ADAMTSL1: variants seen among roughly 807,000 people sequenced by gnomAD.
ADAMTSL1 encodes ADAMTS like 1, also known as ADAMTS-like protein 1.
Under a neutral mutation model 201.8 loss-of-function variants are expected in ADAMTSL1, and 126 were observed. That is an observed-to-expected ratio of 0.62 (90% CI 0.54 to 0.72). The LOEUF is 0.72. ADAMTSL1 is among the 30% of genes least tolerant of loss of function. The pLI, the probability that ADAMTSL1 is intolerant of heterozygous loss-of-function variation, is 0.00. For missense variants in ADAMTSL1, 2,679 were observed against 2,277.8 expected (o/e 1.18, Z -3.59); for synonymous variants, 1,121 against 903.4 (o/e 1.24, Z -4.32).
intron 4 of ADAMTSL1, among the ~76,000 whole-genome samples, chr9:18,591,734 C>G (rs1197363638): frequency 6.6e-6 from 1 of 152,104 alleles, no homozygotes; most frequent in Non-Finnish European, 1.5e-5. Flanking sequence ...GAATAGGAGC[C>G]ATTACAATCA....
intron 1 of ADAMTSL1, among the ~76,000 whole-genome samples, chr9:17,972,277 AG>A (rs1312672471): frequency 7.6e-6 from 1 of 131,114 alleles, no homozygotes; most frequent in East Asian, 2.5e-4. Context: ...CTCGTCATTT[AG>A]CATTAAGTAT....
intron 1 of ADAMTSL1, among the ~76,000 whole-genome samples, chr9:18,498,220 G>C (rs1297573834): frequency 6.6e-6 from 1 of 151,836 alleles, no homozygotes; most frequent in Non-Finnish European, 1.5e-5. Flanking sequence ...CATGGGGGTG[G>C]GGGCAGGGAG....
At chr9:18,357,781 A>C (rs1418532412) in intron 2 of ADAMTSL1, among the ~76,000 whole-genome samples, 1 of 152,020 alleles carries the variant, frequency 6.6e-6, no homozygotes, top group Non-Finnish European at 1.5e-5. Context: ...AAACATGAAA[A>C]TGAAGACCTG....
chr9:18,537,858 A>G (rs1456850643), intron 3 of ADAMTSL1, among the ~76,000 whole-genome samples: 1 of 149,586 alleles, frequency 6.7e-6, no homozygotes, highest in Admixed American at 6.6e-5. Flanking sequence ...TGGAAGACAG[A>G]GCAAGACCTT....
chr9:18,741,915 C>T (rs796123923), intron 15 of ADAMTSL1, among the ~76,000 whole-genome samples: 24 of 152,316 alleles, frequency 1.6e-4, no homozygotes, highest in African/African-American at 5.8e-4. Flanking sequence ...GTGTTGCCCT[C>T]ACCATCTCAA....
At chr9:18,669,792 C>T (rs1230568233) in intron 9 of ADAMTSL1, among the ~76,000 whole-genome samples, 1 of 152,092 alleles carries the variant, frequency 6.6e-6, no homozygotes, top group Non-Finnish European at 1.5e-5. Context: ...TTCCAGGCAC[C>T]TACTCTTACT....
At chr9:18,708,305 G>C (rs993564421) in intron 14 of ADAMTSL1, among the ~76,000 whole-genome samples, 49 of 152,332 alleles carry the variant, frequency 3.2e-4, no homozygotes, top group African/African-American at 1.1e-3. Flanking sequence ...CTTTTAGTAA[G>C]CATTTAATAG....
At position 18,717,879 on chromosome 9, in the gene ADAMTSL1, A is replaced by T. The variant is rs1564177581; in HGVS notation, c.1877-3657A>T. On this transcript the variant is annotated intron_variant, in intron 14 of 28. Transcript: ENST00000380548. ...ACCACCACAGGAAAGTCCATTTAAG[A>T]TGCTGGTAGGTTTAACAAAGTTGGA... 3.5e-6 allele frequency: 3 copies of T among 848,540 alleles called. No individual in the cohort carries two copies. The South Asian group carries it at 4.1e-5, about 12-fold the overall frequency. The allele number at this position is 848,540 out of a possible 1,614,324, so 52.6% of individuals were successfully genotyped here.
intron 2 of ADAMTSL1, among the ~76,000 whole-genome samples, chr9:18,208,388 T>A (rs1829740052): frequency 6.6e-6 from 1 of 152,146 alleles, no homozygotes; most frequent in Non-Finnish European, 1.5e-5. Context: ...TGGGCATTGA[T>A]GCTGGGAAAT....
At chr9:17,945,644 T>C (rs565607966) in intron 1 of ADAMTSL1, among the ~76,000 whole-genome samples, 2 of 152,234 alleles carry the variant, frequency 1.3e-5, no homozygotes, top group East Asian at 3.9e-4. Flanking sequence ...CCATGAAAAA[T>C]GATGAATTCA....
chr9:18,241,286 T>C (rs1432458073), intron 2 of ADAMTSL1, among the ~76,000 whole-genome samples: 1 of 152,178 alleles, frequency 6.6e-6, no homozygotes, highest in Non-Finnish European at 1.5e-5. Flanking sequence ...GGGTCATTAA[T>C]TGGCCTAATT....
At chr9:18,383,653 TA>T (rs1837658985) in intron 2 of ADAMTSL1, among the ~76,000 whole-genome samples, 1 of 152,198 alleles carries the variant, frequency 6.6e-6, no homozygotes, top group African/African-American at 2.4e-5. Context: ...GGACTAAGGT[TA>T]GATCCTGAAT....
chr9:18,081,493 C>G (rs748798405), intron 1 of ADAMTSL1, among the ~76,000 whole-genome samples: 2 of 152,086 alleles, frequency 1.3e-5, no homozygotes, highest in Non-Finnish European at 2.9e-5. Flanking sequence ...TCCTATTAAA[C>G]ATTTAACAAG....
intron 1 of ADAMTSL1, among the ~76,000 whole-genome samples, chr9:18,013,635 T>C (rs1041044885): frequency 2.6e-5 from 4 of 152,188 alleles, no homozygotes; most frequent in Admixed American, 2.6e-4. Flanking sequence ...AGAATAGTTG[T>C]GTCCTTATTC....
chr9:18,667,377 T>G (rs775436822), intron 9 of ADAMTSL1, among the ~76,000 whole-genome samples: 2 of 152,046 alleles, frequency 1.3e-5, no homozygotes, highest in Non-Finnish European at 2.9e-5. Context: ...AAATACTGAT[T>G]CTCACACCAA....
chr9:18,294,057 G>A (rs1398127410), intron 2 of ADAMTSL1, among the ~76,000 whole-genome samples: 2 of 152,192 alleles, frequency 1.3e-5, no homozygotes, highest in African/African-American at 2.4e-5. Flanking sequence ...GGCTTACGAG[G>A]AGAGTTCCTG....
intron 2 of ADAMTSL1, among the ~76,000 whole-genome samples, chr9:18,377,513 T>A (rs941558459): frequency 3.3e-5 from 5 of 152,176 alleles, no homozygotes; most frequent in African/African-American, 1.2e-4. Flanking sequence ...CAGGAGGGAA[T>A]TTCAGTTTGT....
chr9:18,384,893 C>T (rs989578272), intron 2 of ADAMTSL1, among the ~76,000 whole-genome samples: 1 of 152,212 alleles, frequency 6.6e-6, no homozygotes, highest in Non-Finnish European at 1.5e-5. Context: ...CTCCCATTCT[C>T]TTCCAACATG....
intron 2 of ADAMTSL1, among the ~76,000 whole-genome samples, chr9:18,230,221 C>T (rs1830598210): frequency 6.6e-6 from 1 of 152,148 alleles, no homozygotes; most frequent in Non-Finnish European, 1.5e-5. Flanking sequence ...ATCTGCTTGG[C>T]ACTCATCATA....
Sources: allele counts gnomAD v4.1 joint callset (sites outside exome capture counted in the v4.1 genomes callset), GRCh38; gene constraint gnomAD v4.1.1; transcripts MANE v1.5; gene names NCBI Gene and HGNC (gene_info 2026-07-23, HGNC 2026-07-21).